CDK13: variants seen among roughly 807,000 people sequenced by gnomAD.
The protein encoded by CDK13 is cyclin dependent kinase 13, also known as cyclin-dependent kinase 13.
In CDK13, 40 loss-of-function variants were observed where a neutral mutation model predicts 137.6. The observed-to-expected ratio is 0.29, with a 90% CI of 0.23 to 0.38. The LOEUF is 0.38. Ranked by LOEUF, CDK13 falls within the 10% of genes least tolerant of loss-of-function variation. The probability of loss-of-function intolerance (pLI) is 1.00; values close to 1 mark genes in which losing one functional copy is unlikely to be tolerated. For synonymous variants in CDK13, 869 were observed against 760.1 expected (o/e 1.14, Z -2.36); for missense variants, 1,704 against 1,951.8 (o/e 0.87, Z 2.39).
intron 1 of CDK13, among the ~76,000 whole-genome samples, chr7:39,958,470 A>G (rs2116115857): frequency 6.6e-6 from 1 of 152,320 alleles, no homozygotes; most frequent in East Asian, 1.9e-4. Flanking sequence ...ACCTGATGAG[A>G]TGATCACTCA....
chr7:40,081,703 T>TTGATGGAGTTTTACTC (rs1441515313), intron 11 of CDK13, among the ~76,000 whole-genome samples: 7 of 152,186 alleles, frequency 4.6e-5, no homozygotes, highest in Non-Finnish European at 1.0e-4. Flanking sequence ...TATTGATTGA[T>TTGATGGAGTTTTACTC]TGATGGAGTT....
At chr7:39,990,234 T>A (rs1784430363) in intron 2 of CDK13, among the ~76,000 whole-genome samples, 2 of 152,118 alleles carry the variant, frequency 1.3e-5, no homozygotes, top group African/African-American at 4.8e-5. Context: ...TTCATTACTT[T>A]TTTTTTTTGA....
In CDK13 at chr7:39,950,518, T is replaced by G; in HGVS notation, c.-124T>G. The G allele has an allele frequency of 7.9e-7, 1 of 1,267,110 alleles. No individual in the cohort carries two copies. The highest frequency in any genetic ancestry group is 9.9e-7 in the Non-Finnish European group (1 of 1,007,306). The allele number at this position is 1,267,110 out of a possible 1,614,324, so 78.5% of individuals were successfully genotyped here. On this transcript the variant is annotated 5_prime_UTR_variant, in exon 1 of 14. Transcript: ENST00000181839. Reference sequence around the variant, plus strand: ...CCGACCCGGATTATCGTGGCGCTTTTCCCGGCCGGCTCTGGTGCTCGGTGT... The same window carrying G: ...CCGACCCGGATTATCGTGGCGCTTTGCCCGGCCGGCTCTGGTGCTCGGTGT...
chr7:39,967,619 G>T (rs1436538249), intron 1 of CDK13, among the ~76,000 whole-genome samples: 1 of 152,110 alleles, frequency 6.6e-6, no homozygotes, highest in East Asian at 1.9e-4. Context: ...CCCAGAAGTG[G>T]GATCATGTGG....
At chr7:40,079,195 CGGATCAT>C (rs1786611092) in intron 11 of CDK13, among the ~76,000 whole-genome samples, 1 of 152,014 alleles carries the variant, frequency 6.6e-6, no homozygotes, top group African/African-American at 2.4e-5. Context: ...CCGAGGTGGG[CGGATCAT>C]GAGGTCAGGA....
At chr7:39,992,105 G>GCACACACA (rs764758989) in intron 2 of CDK13, among the ~76,000 whole-genome samples, 1 of 133,362 alleles carries the variant, frequency 7.5e-6, no homozygotes, top group East Asian at 2.2e-4. Context: ...ACACACACAC[G>GCACACACA]CACACACACA....
chr7:40,078,688 C>T (rs1349967644), intron 10 of CDK13, 32 bp from the exon 11 acceptor site: 7 of 1,373,880 alleles, frequency 5.1e-6, no homozygotes, highest in South Asian at 1.8e-5. Context: ...GTCTAAAGAA[C>T]ACATCTAACT....
At chr7:40,063,889 C>T (rs181936204) in intron 9 of CDK13, among the ~76,000 whole-genome samples, 4 of 152,192 alleles carry the variant, frequency 2.6e-5, no homozygotes, top group East Asian at 1.9e-4. Flanking sequence ...AACTTCCAAC[C>T]TCAGGTGACT....
At chr7:40,028,692 T>C (rs1785299561) in intron 5 of CDK13, among the ~76,000 whole-genome samples, 1 of 152,214 alleles carries the variant, frequency 6.6e-6, no homozygotes, top group South Asian at 2.1e-4. Flanking sequence ...TTTCCAACTT[T>C]TATTGAATTT....
chr7:39,959,052 A>C lies in CDK13; in HGVS notation c.1211+7200A>C, dbSNP rs531449720. Among the ~76,000 whole-genome samples the C allele has an allele frequency of 2.6e-5, 4 of 152,280 alleles. No homozygotes were observed. The East Asian group carries it at 7.7e-4, about 29-fold the overall frequency. On this transcript the variant is annotated intron_variant, in intron 1 of 13. Transcript: ENST00000181839. ...ATGATCTGCCCACCTTGGCCTTCCA[A>C]AGTGCTGGGATTATAGTTGTGAGCC...
chr7:40,058,384 G>A (rs576190486), intron 7 of CDK13, among the ~76,000 whole-genome samples: 2 of 152,026 alleles, frequency 1.3e-5, no homozygotes, highest in African/African-American at 4.8e-5. Flanking sequence ...CTGAAAAGAA[G>A]TTAAGGGTAG....
At chr7:40,037,497 A>G (rs1394439222) in intron 5 of CDK13, among the ~76,000 whole-genome samples, 1 of 152,196 alleles carries the variant, frequency 6.6e-6, no homozygotes, top group Non-Finnish European at 1.5e-5. Context: ...ATGATCTAAA[A>G]AAGTAAGGTA....
chr7:40,038,183 A>C (rs1785526638), intron 5 of CDK13, among the ~76,000 whole-genome samples: 1 of 152,070 alleles, frequency 6.6e-6, no homozygotes, highest in Admixed American at 6.6e-5. Flanking sequence ...TCTTTTGTAC[A>C]TATTCACATT....
Position 39,950,838 on chromosome 7 carries a change from C to T in CDK13, c.197C>T (p.Thr66Met), listed in dbSNP as rs1431258441. 6 of 1,383,122 alleles carry T rather than the reference C, an allele frequency of 4.3e-6. No homozygotes were observed. Among genetic ancestry groups the T allele is most frequent in the African/African-American group, 3.1e-5 (2 of 65,544 alleles). The allele number at this position is 1,383,122 out of a possible 1,614,324, so 85.7% of individuals were successfully genotyped here. Residue 66 changes from threonine to methionine, a missense_variant, in exon 1 of 14, where the codon ACG becomes ATG. Thr to Met is a moderately conservative substitution (Grantham distance 81). Coordinates refer to ENST00000181839, the MANE Select transcript of CDK13 (RefSeq NM_003718.5). ...PPLLFLAAPG[T>M]AAAAAAAAAA... Reference sequence around the variant, plus strand: ...CTGCTCTTCCTGGCTGCTCCCGGCACGGCCGCCGCCGCAGCCGCCGCCGCC... The same window carrying T: ...CTGCTCTTCCTGGCTGCTCCCGGCATGGCCGCCGCCGCAGCCGCCGCCGCC...
chr7:39,951,682 C>A lies in CDK13; in HGVS notation c.1041C>A (p.Gly347=), dbSNP rs1283383331. 3 of 1,465,012 alleles carry A rather than the reference C, an allele frequency of 2.0e-6. No homozygotes were observed. Among genetic ancestry groups the A allele is most frequent in the Non-Finnish European group, 2.7e-6 (3 of 1,114,562 alleles). 90.8% of individuals were successfully genotyped at this position (1,465,012 alleles called of 1,614,324 possible). A position where few individuals can be genotyped will look rare whatever the true frequency, so the allele number is the denominator to read the frequency against. ...AGTCCCCCAGCCCGGCAGGAGGTGG[C>A]AGCAGCCCCTATTCTCGGCGGCTGC... ...SRKSPSPAGG[G]SSPYSRRLPR... The change falls in exon 1 of 14, where the codon GGC becomes GGA. Residue 347 remains glycine (G), a synonymous_variant. Coordinates refer to ENST00000181839, the MANE Select transcript of CDK13 (RefSeq NM_003718.5).
rs1385257845 is a variant in CDK13 at position 39,988,078 on chromosome 7, T to A, written c.1691T>A (p.Val564Asp). Residue 564 changes from valine (V) to aspartate (D), a missense_variant, in exon 2 of 14, where the codon GTT becomes GAT. Transcript: ENST00000181839. ...AAAGCCACCAAGAAAGCAGTCATAG[T>A]TGGAAAGGAGAGTAAATCTGCTGCT... ...VDKATKKAVI[V>D]GKESKSAATK... 3.1e-6 allele frequency: 5 copies of A among 1,610,196 alleles called. No homozygotes were observed. Among genetic ancestry groups the A allele is most frequent in the Non-Finnish European group, 4.2e-6 (5 of 1,178,472 alleles).
At chr7:40,012,468 C>T (rs913303191) in intron 5 of CDK13, among the ~76,000 whole-genome samples, 1 of 152,030 alleles carries the variant, frequency 6.6e-6, no homozygotes, top group African/African-American at 2.4e-5. Context: ...GGTGAGGTGG[C>T]ACATGCCTGT....
At chr7:39,986,001 A>AGTGCCTCCTTCTGTCAGT (rs1321437773) in intron 1 of CDK13, 1 of 152,268 alleles carries the variant, frequency 6.6e-6, no homozygotes, top group Non-Finnish European at 1.5e-5. Context: ...TGTCAGTGGC[A>AGTGCCTCCTTCTGTCAGT]GAACAGCCCT....
intron 1 of CDK13, among the ~76,000 whole-genome samples, chr7:39,967,078 C>T (rs1224873084): frequency 6.6e-6 from 1 of 152,088 alleles, no homozygotes; most frequent in Admixed American, 6.6e-5. Context: ...CTTGAGGAGG[C>T]CGGCTGTCTG....
Sources: allele counts gnomAD v4.1 joint callset (sites outside exome capture counted in the v4.1 genomes callset), GRCh38; gene constraint gnomAD v4.1.1; transcripts MANE v1.5; gene names NCBI Gene and HGNC (gene_info 2026-07-23, HGNC 2026-07-21).